Variants in PHLPP2 observed in about 807,000 individuals in gnomAD.
PHLPP2 encodes the protein PH domain leucine-rich repeat-containing protein phosphatase 2.
PHLPP2 carries 66 observed loss-of-function variants against 124.9 expected under a neutral mutation model. The ratio of observed to expected loss-of-function variants is 0.53; its 90% CI spans 0.43 to 0.65. The LOEUF is 0.65. Among genes scored for constraint, PHLPP2 ranks in the 30% least tolerant of loss-of-function variants. The probability of loss-of-function intolerance (pLI) is 0.00; values close to 1 mark genes in which losing one functional copy is unlikely to be tolerated. For missense variants in PHLPP2, 1,685 were observed against 1,600.4 expected (o/e 1.05, Z -0.90); for synonymous variants, 681 against 624.7 (o/e 1.09, Z -1.34).
At chr16:71,687,229 T>C (rs941644305) in intron 4 of PHLPP2, among the ~76,000 whole-genome samples, 4 of 152,230 alleles carry the variant, frequency 2.6e-5, no homozygotes, top group African/African-American at 9.6e-5. Context: ...ACAGGTCTCT[T>C]CAAATCTTTG....
chr16:71,684,652 G>A (rs768288388), intron 4 of PHLPP2, 51 bp from the exon 5 acceptor site: 25 of 1,521,870 alleles, frequency 1.6e-5, no homozygotes, highest in Admixed American at 4.4e-5. Flanking sequence ...AAAAATCCTA[G>A]TCAAAAAGCA....
chr16:71,678,564 C>A, intron 8 of PHLPP2, 191 bp downstream of exon 8: 1 of 549,966 alleles, frequency 1.8e-6, no homozygotes. Flanking sequence ...CGCCTGAGAA[C>A]GGGAGGTCAA....
rs1157173087 is a variant in PHLPP2, at chr16:71,652,900, C to T, written c.2707G>A (p.Ala903Thr). Residue 903 changes from alanine (A) to threonine (T), a missense_variant, in exon 18 of 19, where the codon GCA becomes ACA. Physicochemically the swap from Ala to Thr is moderately conservative, Grantham distance 58 (BLOSUM62 0). Coordinates refer to ENST00000568954, the MANE Select transcript of PHLPP2 (RefSeq NM_015020.3). ...GGCTTCCCACCTCGGCACAGGACTG[C>T]TTGGCACGTGCCAACATTGGCTACA... ...LTVANVGTCQ[A>T]VLCRGGKPVP... 1 of 1,613,956 alleles carries T rather than the reference C, an allele frequency of 6.2e-7. No individual in the cohort carries two copies. Among genetic ancestry groups the T allele is most frequent in the Admixed American group, 1.7e-5 (1 of 60,004 alleles).
intron 2 of PHLPP2, among the ~76,000 whole-genome samples, chr16:71,706,212 A>G (rs1031729989): frequency 1.3e-5 from 2 of 152,238 alleles, no homozygotes; most frequent in African/African-American, 4.8e-5. Context: ...TGTGAGACCT[A>G]CTATAGTCCA....
At chr16:71,662,641 A>G (rs2044801979) in intron 13 of PHLPP2, among the ~76,000 whole-genome samples, 1 of 152,202 alleles carries the variant, frequency 6.6e-6, no homozygotes, top group Non-Finnish European at 1.5e-5. Context: ...AATTATTAAT[A>G]TCAAATGTCA....
chr16:71,723,768 C>A (rs2045414569), intron 1 of PHLPP2: 2 of 1,324,552 alleles, frequency 1.5e-6, no homozygotes, highest in Non-Finnish European at 2.0e-6. Flanking sequence ...CGCCTCCTCA[C>A]CTTCAGGACC....
chr16:71,677,473 T>C (rs1317394439), intron 8 of PHLPP2: 3 of 80,066 alleles, frequency 3.7e-5, no homozygotes, highest in Non-Finnish European at 9.1e-5. Context: ...TATATATATA[T>C]ATATATATAT....
At chr16:71,668,228 G>A (rs763798281) in intron 11 of PHLPP2, among the ~76,000 whole-genome samples, 42 of 151,218 alleles carry the variant, frequency 2.8e-4, no homozygotes, top group South Asian at 8.4e-4. Context: ...TGGCTAACAC[G>A]GTGAAACCCC....
At chr16:71,653,599 C>T (rs1170997245) in intron 17 of PHLPP2, among the ~76,000 whole-genome samples, 1 of 152,180 alleles carries the variant, frequency 6.6e-6, no homozygotes, top group African/African-American at 2.4e-5. Context: ...CAGACACTAG[C>T]AGAAAGACCT....
chr16:71,652,702 A>G, intron 18 of PHLPP2, 88 bp downstream of exon 18: 2 of 894,152 alleles, frequency 2.2e-6, no homozygotes, highest in East Asian at 2.4e-5. Context: ...AGGGCATGAT[A>G]GGAAGAAAAT....
chr16:71,706,925 T>A lies in PHLPP2; in HGVS notation c.285-4194A>T, dbSNP rs116356435. 4.2e-3 allele frequency among the ~76,000 whole-genome samples: 637 copies of A among 150,272 alleles called. 11 individuals are homozygous for A. The highest frequency in any genetic ancestry group is 0.015 in the African/African-American group (617 of 41,120). ...CCATTATTTCATTAAGTCCAATATA[T>A]CATGATTTAAAAGATACACCATTTT... is the stretch of plus-strand genomic sequence containing the variant. On this transcript the variant is annotated intron_variant, in intron 2 of 18. Coordinates refer to ENST00000568954, the MANE Select transcript of PHLPP2 (RefSeq NM_015020.3).
intron 15 of PHLPP2, among the ~76,000 whole-genome samples, chr16:71,658,017 G>T (rs1466510599): frequency 2.0e-5 from 3 of 152,162 alleles, no homozygotes; most frequent in African/African-American, 7.2e-5. Context: ...CAGTATGTTG[G>T]GGGGTAGTAG....
intron 18 of PHLPP2, among the ~76,000 whole-genome samples, chr16:71,651,275 T>C (rs2044694335): frequency 6.7e-6 from 1 of 149,938 alleles, no homozygotes; most frequent in Non-Finnish European, 1.5e-5. Context: ...GAGGTGGAGA[T>C]TGTGGTGAGC....
chr16:71,694,726 C>T (rs1234393810), intron 3 of PHLPP2, among the ~76,000 whole-genome samples: 1 of 151,938 alleles, frequency 6.6e-6, no homozygotes, highest in Non-Finnish European at 1.5e-5. Flanking sequence ...TGAAATAATT[C>T]TCAATCACAC....
intron 6 of PHLPP2, 35 bp from the exon 7 acceptor site, chr16:71,679,570 C>A: frequency 6.3e-7 from 1 of 1,575,702 alleles, no homozygotes; most frequent in South Asian, 1.1e-5. Flanking sequence ...TATTGCATTT[C>A]AATACATCTA....
At chr16:71,719,224 G>C (rs985539574) in intron 1 of PHLPP2, among the ~76,000 whole-genome samples, 4 of 152,168 alleles carry the variant, frequency 2.6e-5, no homozygotes, top group African/African-American at 7.2e-5. Flanking sequence ...AGTATACAAA[G>C]AGCGTATTTT....
intron 5 of PHLPP2, among the ~76,000 whole-genome samples, chr16:71,683,797 T>A (rs561100034): frequency 6.6e-6 from 1 of 152,252 alleles, no homozygotes; most frequent in South Asian, 2.1e-4. Flanking sequence ...TCTTGTCTTT[T>A]GTTTTTTTTT....
At chr16:71,719,530 GCTAT>G (rs927815100) in intron 1 of PHLPP2, among the ~76,000 whole-genome samples, 2 of 151,940 alleles carry the variant, frequency 1.3e-5, no homozygotes, top group African/African-American at 4.8e-5. Flanking sequence ...ACACAATGAG[GCTAT>G]CTCTCTAAAA....
In PHLPP2 at chr16:71,724,438, C is replaced by T. The variant is rs1417914921; in HGVS notation, c.-116G>A. 1.3e-5 allele frequency: 2 copies of T among 152,390 alleles called. No homozygotes were observed. The highest frequency in any genetic ancestry group is 2.4e-5 in the African/African-American group (1 of 41,578). 9.4% of individuals were successfully genotyped at this position (152,390 alleles called of 1,614,324 possible). ...CTCACCTCCCAGCCATGTTTTAATT[C>T]CCTTGCCTCCTCCTGGAGCAAAATT... On this transcript the variant is annotated 5_prime_UTR_variant, in exon 1 of 19. Transcript: ENST00000568954.
Sources: allele counts gnomAD v4.1 joint callset (sites outside exome capture counted in the v4.1 genomes callset), GRCh38; gene constraint gnomAD v4.1.1; transcripts MANE v1.5; gene names NCBI Gene and HGNC (gene_info 2026-07-23, HGNC 2026-07-21).